Variants in ADGRF1 observed in about 807,000 individuals in gnomAD.
The protein encoded by ADGRF1 is G protein-coupled receptor 110.
A neutral mutation model predicts 87.2 loss-of-function variants in ADGRF1; 85 were observed. The ratio of observed to expected loss-of-function variants is 0.97; its 90% confidence interval spans 0.82 to 1.17. ADGRF1 has a LOEUF of 1.17. Among genes scored for constraint, ADGRF1 ranks in the 50% most tolerant of loss-of-function variants. The pLI is 0.00. For missense variants in ADGRF1, 1,169 were observed against 1,077.2 expected (o/e 1.09, Z -1.19); for synonymous variants, 430 against 408.8 (o/e 1.05, Z -0.63).
At chr6:47,030,778 T>TA (rs1780391795) in intron 1 of ADGRF1, among the ~76,000 whole-genome samples, 1 of 152,134 alleles carries the variant, frequency 6.6e-6, no homozygotes, top group Admixed American at 6.6e-5. Flanking sequence ...ACTCTTTTTT[T>TA]TTGAGATGGA....
intron 5 of ADGRF1, among the ~76,000 whole-genome samples, chr6:47,022,803 T>C (rs1240045564): frequency 7.1e-6 from 1 of 141,760 alleles, no homozygotes; most frequent in Non-Finnish European, 1.5e-5. Context: ...TTTTCTTTTT[T>C]CTTTTTTTTT....
intron 6 of ADGRF1, 138 bp from the exon 7 acceptor site, chr6:47,020,927 T>G: frequency 1.5e-6 from 1 of 670,732 alleles, no homozygotes; most frequent in Non-Finnish European, 2.7e-6. Flanking sequence ...TGGGAAGTAA[T>G]TGCATGTCAT....
chr6:47,014,505 G>T, intron 9 of ADGRF1, 176 bp downstream of exon 9: 1 of 1,375,594 alleles, frequency 7.3e-7, no homozygotes, highest in Non-Finnish European at 9.4e-7. Context: ...CTGCCCAGAC[G>T]CTACCACTCA....
Position 47,016,724 on chromosome 6 carries a change from C to T in ADGRF1, c.656G>A (p.Ser219Asn). The change falls in exon 8 of 15, where the codon AGT becomes AAT. Residue 219 changes from serine to asparagine, a missense_variant. Physicochemically the swap from Ser to Asn is conservative, Grantham distance 46. Transcript: ENST00000371253. ...VAGYEVVGSS[S>N]ASELLSAIEH... ...AATGGCTGACAGCAGTTCAGATGCA[C>T]TGCTGGAGCCAACAACTTCATACCC... 1 of 1,605,102 alleles carries T rather than the reference C, an allele frequency of 6.2e-7. No individual in the cohort carries two copies. Among genetic ancestry groups the T allele is most frequent in the Non-Finnish European group, 8.5e-7 (1 of 1,173,150 alleles).
chr6:47,009,925 G>A lies in ADGRF1; in HGVS notation c.1510C>T (p.Pro504Ser), dbSNP rs1779654034. ...SKNGNAQVNG[P>S]VISTVIQNYS... ...TTTTGAATAACCGTGGATATCACAGGTCCATTGACCTGAGCATTTCCATTT... is the reference window on the plus strand; with the variant it reads ...TTTTGAATAACCGTGGATATCACAGATCCATTGACCTGAGCATTTCCATTT... Residue 504 changes from proline to serine, a missense_variant, in exon 11 of 15, where the codon CCT (proline) becomes TCT (serine). Pro to Ser is a moderately conservative substitution (Grantham distance 74). Transcript: ENST00000371253. The A allele has an allele frequency of 1.2e-6, 2 of 1,614,150 alleles. No homozygotes were observed. Among genetic ancestry groups the A allele is most frequent in the South Asian group, 2.2e-5 (2 of 91,084 alleles).
Position 47,005,799 on chromosome 6 carries a change from G to T in ADGRF1, c.2592+18C>A. ...TGGAACTTCATGTATTGGATTCATG[G>T]CAGTAGGAGATAATTACCTTTTCTG... On this transcript the variant is annotated intron_variant, in intron 13 of 14. Transcript: ENST00000371253. 6.3e-7 allele frequency: 1 copy of T among 1,591,062 alleles called. No individual in the cohort carries two copies. The highest frequency in any genetic ancestry group is 8.6e-7 in the Non-Finnish European group (1 of 1,161,706).
Position 47,000,031 on chromosome 6 carries a change from A to G in ADGRF1, c.*191T>C. 1.9e-6 allele frequency: 1 copy of G among 518,092 alleles called. No homozygotes were observed. The highest frequency in any genetic ancestry group is 2.7e-5 in the South Asian group (1 of 37,672). 32.1% of individuals were successfully genotyped at this position (518,092 alleles called of 1,614,324 possible). On this transcript the variant is annotated 3_prime_UTR_variant, in exon 15 of 15. Coordinates refer to ENST00000371253, the MANE Select transcript of ADGRF1 (RefSeq NM_153840.4). ...CTTTCTTTGAATCAAATCACATGGA[A>G]ATAAATCTTCTTTTCATTTAATTGA...
chr6:47,000,312 A>G lies in ADGRF1; in HGVS notation c.2660-17T>C. On this transcript the variant is annotated splice_polypyrimidine_tract_variant and intron_variant, in intron 14 of 14. Coordinates refer to ENST00000371253, the MANE Select transcript of ADGRF1 (RefSeq NM_153840.4). ...CATAATGGCCTGAAGGGGAAAAAAA[A>G]AGGAAATAATTATTGTTACTCTGTT... 6.4e-7 allele frequency: 1 copy of G among 1,564,724 alleles called. No homozygotes were observed. The highest frequency in any genetic ancestry group is 2.3e-5 in the East Asian group (1 of 44,166).
chr6:47,041,379 T>TAAGCTCCATTAA (rs1780738809), intron 1 of ADGRF1, among the ~76,000 whole-genome samples: 1 of 152,188 alleles, frequency 6.6e-6, no homozygotes, highest in Non-Finnish European at 1.5e-5. Flanking sequence ...TTGAGCTTAA[T>TAAGCTCCATTAA]GGATCTCAGC....
rs569931652 is a variant in ADGRF1, at chr6:46,999,695, A to G, written c.*527T>C. On this transcript the variant is annotated 3_prime_UTR_variant, in exon 15 of 15. Coordinates refer to ENST00000371253, the MANE Select transcript of ADGRF1 (RefSeq NM_153840.4). ...TCTGATTAACTTTCAATATTAAGTG[A>G]TAGAACCTAAGAAGCAAAAGCGAAC... 4 of 152,804 alleles carry G rather than the reference A, an allele frequency of 2.6e-5. No homozygotes were observed. The highest frequency in any genetic ancestry group is 9.6e-5 in the African/African-American group (4 of 41,582). The allele number at this position is 152,804 out of a possible 1,614,324, so 9.5% of individuals were successfully genotyped here. A position where few individuals can be genotyped will look rare whatever the true frequency, so the allele number is the denominator to read the frequency against.
Position 47,009,187 on chromosome 6 carries a change from G to A in ADGRF1, c.2248C>T (p.Pro750Ser). ...TTCACAGCCACAATAGCCAGTGCAGGGACAACAAAAGCCAGGAGTGGTTTG... is the reference window on the plus strand; with the variant it reads ...TTCACAGCCACAATAGCCAGTGCAGAGACAACAAAAGCCAGGAGTGGTTTG... ...GSKPLLAFVVPALAIVAVNFV... is the reference protein window; with the variant it reads ...GSKPLLAFVVSALAIVAVNFV... Residue 750 changes from proline to serine, a missense_variant, in exon 11 of 15, where the codon CCT becomes TCT. Physicochemically the swap from Pro to Ser is moderately conservative, Grantham distance 74. Transcript: ENST00000371253. The A allele has an allele frequency of 6.2e-7, 1 of 1,614,142 alleles. No individual in the cohort carries two copies. Among genetic ancestry groups the A allele is most frequent in the Non-Finnish European group, 8.5e-7 (1 of 1,180,036 alleles).
At position 47,023,109 on chromosome 6, in the gene ADGRF1, C is replaced by A. The variant is rs1460467926; in HGVS notation, c.451+935G>T. Among the ~76,000 whole-genome samples, 5 of 152,150 alleles carry A rather than the reference C, an allele frequency of 3.3e-5. No individual in the cohort carries two copies. In the East Asian group the frequency reaches 9.6e-4, roughly 29 times the overall value. ...GGATTACAAGTGTAAGCCACTGTGCCCATCTTTCAAAACATAGGCTTTCAT... is the reference window on the plus strand; with the variant it reads ...GGATTACAAGTGTAAGCCACTGTGCACATCTTTCAAAACATAGGCTTTCAT... On this transcript the variant is annotated intron_variant, in intron 5 of 14. Coordinates refer to ENST00000371253, the MANE Select transcript of ADGRF1 (RefSeq NM_153840.4).
intron 8 of ADGRF1, among the ~76,000 whole-genome samples, chr6:47,015,581 T>TTTA (rs1779846353): frequency 6.6e-6 from 1 of 151,156 alleles, no homozygotes; most frequent in African/African-American, 2.4e-5. Context: ...TGGCTATTTA[T>TTTA]TTATTTATTT....
At chr6:47,016,539 C>G (rs114629617) in intron 8 of ADGRF1, 78 bp downstream of exon 8, 254 of 1,378,518 alleles carry the variant, frequency 1.8e-4, no homozygotes, top group Non-Finnish European at 2.4e-4. Context: ...CGTCTCAAAT[C>G]TACTTCCTGA....
At chr6:47,029,854 G>A (rs1421640492) in intron 1 of ADGRF1, among the ~76,000 whole-genome samples, 1 of 152,182 alleles carries the variant, frequency 6.6e-6, no homozygotes, top group Non-Finnish European at 1.5e-5. Flanking sequence ...GTGGCCAGGG[G>A]CTACCATATT....
rs778791382 is a variant in ADGRF1, at chr6:47,027,813, C to G, written c.70-52G>C. 2.8e-5 allele frequency: 29 copies of G among 1,044,032 alleles called. 1 individual carries two copies. The South Asian group carries it at 3.4e-4, about 12-fold the overall frequency. The allele number at this position is 1,044,032 out of a possible 1,614,324, so 64.7% of individuals were successfully genotyped here. A position where few individuals can be genotyped will look rare whatever the true frequency, so the allele number is the denominator to read the frequency against. ...GGTGAGACTTTGAAGAGTTGTGCTT[C>G]ATAAGGCCTTGCTGAGTTTCCCAGA... On this transcript the variant is annotated intron_variant, in intron 2 of 14. Transcript: ENST00000371253.
Position 47,007,383 on chromosome 6 carries a change from A to G in ADGRF1, c.2491-89T>C, listed in dbSNP as rs78520616. ...ATATGTAACACTATTCAATCACCCC[A>G]CATTGAAACTGTTTTCTTGTCTGTC... On this transcript the variant is annotated intron_variant, in intron 11 of 14. Transcript: ENST00000371253. The G allele has an allele frequency of 2.1e-3, 1,581 of 742,060 alleles. 22 individuals are homozygous for G. The African/African-American group carries it at 0.026, about 12-fold the overall frequency. 46.0% of individuals were successfully genotyped at this position (742,060 alleles called of 1,614,324 possible).
At chr6:47,001,301 G>T (rs13198421) in intron 14 of ADGRF1, among the ~76,000 whole-genome samples, 200 bp downstream of exon 14, 42,303 of 152,140 alleles carry the variant, frequency 0.28, 5,959 homozygotes, top group South Asian at 0.38. Flanking sequence ...GACACTCTCT[G>T]GTTCTCCATG....
At position 47,009,699 on chromosome 6, in the gene ADGRF1, G is replaced by A. The variant is rs1203182465; in HGVS notation, c.1736C>T (p.Ser579Phe). The change falls in exon 11 of 15, where the codon TCT becomes TTT. Residue 579 changes from serine (S) to phenylalanine (F), a missense_variant. Coordinates refer to ENST00000371253, the MANE Select transcript of ADGRF1 (RefSeq NM_153840.4). ...CCATTTTACAACGGGGAAGATTGTA[G>A]AGGGGACAAAAGGTGACATCAATAT... ...FSILMSPFVP[S>F]TIFPVVKWIT... 1 of 1,614,074 alleles carries A rather than the reference G, an allele frequency of 6.2e-7. No homozygotes were observed. The highest frequency in any genetic ancestry group is 1.3e-5 in the African/African-American group (1 of 74,928).
Sources: gnomAD v4.1 joint callset for allele counts (sites outside exome capture counted in the v4.1 genomes callset) on GRCh38, gnomAD v4.1.1 for gene constraint, MANE v1.5 for transcripts, NCBI Gene and HGNC (gene_info 2026-07-23, HGNC 2026-07-21) for gene names.